The following SLIT3 variants were observed in gnomAD, a reference collection of about 807,000 sequenced individuals.
SLIT3 encodes slit guidance ligand 3.
Under a neutral mutation model 184.0 loss-of-function variants are expected in SLIT3, and 68 were observed. The ratio of observed to expected loss-of-function variants is 0.37; its 90% CI spans 0.30 to 0.45. The LOEUF is 0.45. Ranked by LOEUF, SLIT3 falls within the 20% of genes least tolerant of loss-of-function variation. The pLI, the probability that SLIT3 is intolerant of heterozygous loss-of-function variation, is 1.00. For synonymous variants in SLIT3, 831 were observed against 828.6 expected (o/e 1.00, Z -0.05); for missense variants, 1,707 against 2,026.0 (o/e 0.84, Z 3.02).
chr5:168,904,094 C>A (rs1760964144), intron 4 of SLIT3, among the ~76,000 whole-genome samples: 1 of 152,110 alleles, frequency 6.6e-6, no homozygotes. Flanking sequence ...AAACTGAGGC[C>A]CTGTTGCCCC....
intron 4 of SLIT3, among the ~76,000 whole-genome samples, chr5:168,903,016 G>T (rs1189157264): frequency 6.6e-6 from 1 of 152,188 alleles, no homozygotes; most frequent in East Asian, 1.9e-4. Context: ...CAGCAGGAGA[G>T]AGTGTAGTTC....
intron 3 of SLIT3, among the ~76,000 whole-genome samples, chr5:169,218,849 G>A (rs1345237228): frequency 6.6e-6 from 1 of 152,226 alleles, no homozygotes; most frequent in Admixed American, 6.5e-5. Context: ...TAGGTAATGA[G>A]ATGTTTAAAA....
chr5:168,683,213 A>T (rs983361659), intron 32 of SLIT3, among the ~76,000 whole-genome samples: 2 of 151,972 alleles, frequency 1.3e-5, no homozygotes, highest in African/African-American at 4.8e-5. Flanking sequence ...TAAAAATACA[A>T]AAATTAGCCA....
Position 168,760,866 on chromosome 5 carries a change from T to G in SLIT3, c.1681A>C (p.Lys561Gln). ...AAGTTCCTGAAGTTGACTTACATTT[T>G]CCGCAGGTTGGGCAACTTCTTGAAG... ...GIFKKLPNLR[K>Q]INLSNNKIKE... Residue 561 changes from lysine to glutamine, a missense_variant, in exon 16 of 36, where the codon AAA (lysine) becomes CAA (glutamine). Physicochemically the swap from Lys to Gln is moderately conservative, Grantham distance 53. Around this residue, in one of 3 missense-constraint regions of SLIT3, gnomAD observed 1,307 missense variants for 1,511.6 expected, o/e 0.86. Transcript: ENST00000519560. 6.2e-7 allele frequency: 1 copy of G among 1,612,692 alleles called. No homozygotes were observed. The highest frequency in any genetic ancestry group is 8.5e-7 in the Non-Finnish European group (1 of 1,178,730).
intron 3 of SLIT3, among the ~76,000 whole-genome samples, chr5:169,208,449 G>A (rs904763677): frequency 1.3e-5 from 2 of 151,898 alleles, no homozygotes; most frequent in African/African-American, 4.8e-5. Context: ...ATTTCATATG[G>A]AACGCAAAAA....
chr5:169,102,889 A>G (rs1203503337), intron 4 of SLIT3, among the ~76,000 whole-genome samples: 1 of 152,228 alleles, frequency 6.6e-6, no homozygotes, highest in Non-Finnish European at 1.5e-5. Context: ...AGTTGAGCTG[A>G]CATACAAATC....
At chr5:169,057,792 T>C (rs949800530) in intron 4 of SLIT3, among the ~76,000 whole-genome samples, 7 of 152,318 alleles carry the variant, frequency 4.6e-5, no homozygotes, top group South Asian at 2.1e-4. Context: ...TCCACCCTGC[T>C]ATGTGGGGCG....
At chr5:168,706,884 G>GGGAT (rs1762387576) in intron 26 of SLIT3, 1 of 152,312 alleles carries the variant, frequency 6.6e-6, no homozygotes, top group Non-Finnish European at 1.5e-5. Flanking sequence ...CAGAGACCTG[G>GGGAT]GGATGCCAGC....
intron 4 of SLIT3, among the ~76,000 whole-genome samples, chr5:169,088,104 C>T (rs1759388729): frequency 6.6e-6 from 1 of 152,214 alleles, no homozygotes; most frequent in South Asian, 2.1e-4. Context: ...TTCCCTACCG[C>T]TGTTTTCTTG....
At chr5:169,286,267 C>T (rs966303948) in intron 1 of SLIT3, among the ~76,000 whole-genome samples, 1 of 152,234 alleles carries the variant, frequency 6.6e-6, no homozygotes, top group South Asian at 2.1e-4. Context: ...CCTACAAAGC[C>T]CCAAGCCAAT....
intron 4 of SLIT3, among the ~76,000 whole-genome samples, chr5:168,991,246 C>T (rs574997918): frequency 7.1e-4 from 108 of 152,160 alleles, no homozygotes; most frequent in African/African-American, 2.5e-3. Context: ...TTTTGTCCTT[C>T]CAAAAACCTT....
intron 4 of SLIT3, among the ~76,000 whole-genome samples, chr5:168,911,551 A>G (rs1761254752): frequency 6.6e-6 from 1 of 152,262 alleles, no homozygotes; most frequent in South Asian, 2.1e-4. Context: ...TCATGTCAGC[A>G]TAATGAAAAT....
intron 9 of SLIT3, among the ~76,000 whole-genome samples, chr5:168,801,044 A>T (rs993135278): frequency 2.6e-5 from 4 of 152,216 alleles, no homozygotes; most frequent in Non-Finnish European, 5.9e-5. Context: ...TGAATGAGGC[A>T]TGAAGATGTT....
chr5:168,696,572 A>C, intron 27 of SLIT3, 141 bp from the exon 28 acceptor site: 1 of 904,578 alleles, frequency 1.1e-6, no homozygotes. Context: ...CTTTGGACAC[A>C]TGAGGCCTTG....
intron 4 of SLIT3, among the ~76,000 whole-genome samples, chr5:168,948,813 G>A (rs937900745): frequency 6.6e-6 from 1 of 152,206 alleles, no homozygotes; most frequent in Non-Finnish European, 1.5e-5. Context: ...AAAGACATCT[G>A]TGAGCACCGC....
chr5:168,669,543 T>A (rs1352034614), intron 35 of SLIT3, among the ~76,000 whole-genome samples: 1 of 152,188 alleles, frequency 6.6e-6, no homozygotes, highest in Non-Finnish European at 1.5e-5. Flanking sequence ...AAAAAATGTT[T>A]TTTGTGGTTT....
intron 4 of SLIT3, among the ~76,000 whole-genome samples, chr5:168,896,053 C>T (rs1385400490): frequency 6.6e-6 from 1 of 152,214 alleles, no homozygotes. Context: ...GGGGAAACTT[C>T]TAAAATGCTT....
Position 169,021,357 on chromosome 5 carries a change from C to CT in SLIT3, c.414-138022dup, listed in dbSNP as rs879856265. ...TTATGGTGAGATAGTATTCTTTTTT[C>CT]TTTTTTTTTGAGATGGAGTCTCTTG... On this transcript the variant is annotated intron_variant, in intron 4 of 35. Transcript: ENST00000519560. Among the ~76,000 whole-genome samples the CT allele has an allele frequency of 4.2e-3, 631 of 151,158 alleles. 4 individuals are homozygous for CT. The highest frequency in any genetic ancestry group is 0.014 in the African/African-American group (580 of 41,208).
At chr5:169,265,787 G>C (rs1766375988) in intron 1 of SLIT3, among the ~76,000 whole-genome samples, 1 of 152,120 alleles carries the variant, frequency 6.6e-6, no homozygotes, top group African/African-American at 2.4e-5. Flanking sequence ...ACCATCAATT[G>C]GCTGATTATT....
Sources: allele counts gnomAD v4.1 joint callset (sites outside exome capture counted in the v4.1 genomes callset), GRCh38; gene constraint gnomAD v4.1.1; regional missense constraint gnomAD v4.1.1; transcripts MANE v1.5; gene names NCBI Gene and HGNC (gene_info 2026-07-23, HGNC 2026-07-21).